Variants in HSF2 observed in about 807,000 individuals in gnomAD.
The protein encoded by HSF2 is heat shock factor protein 2.
Under a neutral mutation model 65.0 loss-of-function variants are expected in HSF2, and 21 were observed. The observed-to-expected ratio is 0.32, with a 90% CI of 0.23 to 0.47. HSF2 has a LOEUF of 0.47. HSF2 is among the 20% of genes least tolerant of loss of function. The pLI is 1.00. For synonymous variants in HSF2, 225 were observed against 219.1 expected, an observed-to-expected ratio of 1.03 and a Z score of -0.24; for missense variants, 499 against 628.1, an observed-to-expected ratio of 0.79 and a Z score of 2.20.
At chr6:122,413,303 CT>C (rs1562200513) in intron 3 of HSF2, among the ~76,000 whole-genome samples, 2 of 119,612 alleles carry the variant, frequency 1.7e-5, no homozygotes, top group African/African-American at 6.2e-5. Context: ...CTTGCGGAAA[CT>C]TTTTAACATT....
At chr6:122,404,560 A>G (rs1265885653) in intron 1 of HSF2, among the ~76,000 whole-genome samples, 1 of 152,092 alleles carries the variant, frequency 6.6e-6, no homozygotes, top group Non-Finnish European at 1.5e-5. Context: ...GTATTAGATT[A>G]TTAGGAATAT....
intron 6 of HSF2, 35 bp downstream of exon 6, chr6:122,419,264 A>G (rs745960221): frequency 1.9e-6 from 2 of 1,028,356 alleles, no homozygotes; most frequent in East Asian, 2.5e-5. Context: ...TGTCCTGTAT[A>G]TAGGCAGTCA....
intron 4 of HSF2, among the ~76,000 whole-genome samples, chr6:122,414,001 AC>A (rs1363700148): frequency 6.6e-6 from 1 of 152,162 alleles, no homozygotes; most frequent in East Asian, 1.9e-4. Context: ...ATGAGGGCAT[AC>A]GACATAAAAA....
At chr6:122,407,129 C>A (rs1044280672) in intron 1 of HSF2, among the ~76,000 whole-genome samples, 1 of 152,074 alleles carries the variant, frequency 6.6e-6, no homozygotes, top group South Asian at 2.1e-4. Context: ...TGAGACGGAA[C>A]AGTGAAAAAG....
At chr6:122,399,630 C>G, upstream of HSF2, 1 of 884,348 alleles carries the variant, frequency 1.1e-6, no homozygotes, top group Non-Finnish European at 1.8e-6. Flanking sequence ...GGACCAAGAT[C>G]TGCTGCGCCT....
upstream of HSF2, chr6:122,399,623 C>T (rs1773663458): frequency 1.2e-5 from 10 of 831,004 alleles, no homozygotes; most frequent in East Asian, 2.5e-4. Flanking sequence ...GGGGCGGGGA[C>T]CAAGATCTGC....
At chr6:122,413,486 T>TTGTTTTTC in intron 3 of HSF2, 39 bp from the exon 4 acceptor site, 4 of 1,461,730 alleles carry the variant, frequency 2.7e-6, no homozygotes, top group Non-Finnish European at 3.8e-6. Flanking sequence ...TCATGGGTGT[T>TTGTTTTTC]TACTGTTTCT....
chr6:122,415,509 A>C (rs1346400415), intron 4 of HSF2, among the ~76,000 whole-genome samples: 1 of 152,166 alleles, frequency 6.6e-6, no homozygotes, highest in African/African-American at 2.4e-5. Flanking sequence ...TGCTGGGTAT[A>C]TATCACTACC....
intron 1 of HSF2, among the ~76,000 whole-genome samples, chr6:122,402,995 A>G (rs1403014887): frequency 6.6e-6 from 1 of 151,702 alleles, no homozygotes; most frequent in Middle Eastern, 3.2e-3. Flanking sequence ...TGGGAACCAG[A>G]CAAGCTTTTG....
At chr6:122,407,591 GT>G (rs11367024) in intron 1 of HSF2, among the ~76,000 whole-genome samples, 103,944 of 148,452 alleles carry the variant, frequency 0.7, 36,247 homozygotes, top group South Asian at 0.78. Context: ...CCATTTTTCT[GT>G]TTTTTTTTTT....
chr6:122,408,031 T>TG (rs1183248359), intron 1 of HSF2, among the ~76,000 whole-genome samples: 3 of 151,948 alleles, frequency 2.0e-5, no homozygotes, highest in East Asian at 1.9e-4. Flanking sequence ...CAACCTAACC[T>TG]GGGGGGTCCT....
At chr6:122,427,285 A>G (rs920329046) in intron 10 of HSF2, among the ~76,000 whole-genome samples, 2 of 152,048 alleles carry the variant, frequency 1.3e-5, no homozygotes, top group Non-Finnish European at 2.9e-5. Context: ...GTAAATTTCT[A>G]TGGAATGAAT....
chr6:122,432,097 C>T lies in HSF2; in HGVS notation c.1488C>T (p.Thr496=). 6.2e-7 allele frequency: 1 copy of T among 1,614,050 alleles called. No homozygotes were observed. The highest frequency in any genetic ancestry group is 1.1e-5 in the South Asian group (1 of 91,074). ...ATAGCAGCCTAGACCCAGAACCAACCCAAAGTAAGCTTGTTCGCCTGGAGC... is the reference window on the plus strand; with the variant it reads ...ATAGCAGCCTAGACCCAGAACCAACTCAAAGTAAGCTTGTTCGCCTGGAGC... ...LLDSSLDPEP[T]QSKLVRLEPL... The change falls in exon 13 of 13, where the codon ACC becomes ACT. Residue 496 remains threonine, a synonymous_variant. Coordinates refer to ENST00000368455, the MANE Select transcript of HSF2 (RefSeq NM_004506.4).
At chr6:122,407,398 C>T (rs1773891086) in intron 1 of HSF2, among the ~76,000 whole-genome samples, 1 of 152,142 alleles carries the variant, frequency 6.6e-6, no homozygotes, top group Admixed American at 6.5e-5. Flanking sequence ...ATGAGATTTT[C>T]TGTTAATCTG....
intron 11 of HSF2, 35 bp downstream of exon 11, chr6:122,427,991 C>T (rs775256820): frequency 9.9e-6 from 14 of 1,409,604 alleles, no homozygotes; most frequent in Non-Finnish European, 1.4e-5. Flanking sequence ...GGACCCATAG[C>T]TATAAAAATC....
intron 1 of HSF2, among the ~76,000 whole-genome samples, chr6:122,401,421 C>G (rs1773730810): frequency 6.6e-6 from 1 of 152,114 alleles, no homozygotes; most frequent in Non-Finnish European, 1.5e-5. Flanking sequence ...TTTTATGGGC[C>G]AGAAATAGGG....
intron 10 of HSF2, among the ~76,000 whole-genome samples, chr6:122,424,944 C>T (rs1163348761): frequency 6.6e-6 from 1 of 152,020 alleles, no homozygotes; most frequent in African/African-American, 2.4e-5. Flanking sequence ...TCAACAACCC[C>T]TTATTCACAG....
Position 122,413,749 on chromosome 6 carries a change from A to G in HSF2, c.455+100A>G, listed in dbSNP as rs1044390242. The G allele has an allele frequency of 2.1e-5, 21 of 1,010,906 alleles. No homozygotes were observed. The East Asian group carries it at 4.3e-4, about 21-fold the overall frequency. 62.6% of individuals were successfully genotyped at this position (1,010,906 alleles called of 1,614,324 possible). On this transcript the variant is annotated intron_variant, in intron 4 of 12. Transcript: ENST00000368455. ...GTCTGATGTTTTATTGTAAGTACTC[A>G]GATCACTTTGTTGAAGCCAAGATCA...
intron 5 of HSF2, among the ~76,000 whole-genome samples, chr6:122,417,192 T>C (rs934163549): frequency 2.6e-5 from 4 of 152,022 alleles, no homozygotes; most frequent in Admixed American, 2.0e-4. Context: ...TTGAATGTAG[T>C]AGAATTCAGT....
Sources: allele counts gnomAD v4.1 joint callset (sites outside exome capture counted in the v4.1 genomes callset), GRCh38; gene constraint gnomAD v4.1.1; transcripts MANE v1.5; gene names NCBI Gene and HGNC (gene_info 2026-07-23, HGNC 2026-07-21).